The following ACAP2 variants were observed in gnomAD, a reference collection of about 807,000 sequenced individuals.
ACAP2 encodes the protein arf-GAP with coiled-coil, ANK repeat and PH domain-containing protein 2.
A neutral mutation model predicts 115.8 loss-of-function variants in ACAP2; 39 were observed. The ratio of observed to expected loss-of-function variants is 0.34; its 90% CI spans 0.26 to 0.44. ACAP2 has a LOEUF of 0.44. ACAP2 is among the 20% of genes least tolerant of loss of function. The pLI is 1.00. For synonymous variants in ACAP2, 289 were observed against 315.8 expected, an observed-to-expected ratio of 0.92 and a Z score of 0.90; for missense variants, 662 against 927.6, an observed-to-expected ratio of 0.71 and a Z score of 3.72.
chr3:195,331,283 T>G (rs1168274417), intron 8 of ACAP2, among the ~76,000 whole-genome samples: 2 of 151,892 alleles, frequency 1.3e-5, no homozygotes, highest in African/African-American at 2.4e-5. Flanking sequence ...CTCTGGTCAG[T>G]AAATGCAATT....
intron 14 of ACAP2, 54 bp from the exon 15 acceptor site, chr3:195,301,698 CG>C (rs1728069324): frequency 6.5e-7 from 1 of 1,527,054 alleles, no homozygotes; most frequent in African/African-American, 1.4e-5. Context: ...TGCGTATTTG[CG>C]CAAGTTCTGT....
intron 21 of ACAP2, 114 bp downstream of exon 21, chr3:195,289,007 G>T: frequency 2.9e-6 from 2 of 696,306 alleles, no homozygotes; most frequent in Non-Finnish European, 2.4e-6. Flanking sequence ...TAAGGGACAT[G>T]AGCATATGTG....
intron 22 of ACAP2, chr3:195,285,547 A>C (rs1266663123): frequency 2.5e-6 from 1 of 396,326 alleles, no homozygotes; most frequent in African/African-American, 2.1e-5. Flanking sequence ...GCCAGAGTGA[A>C]ATAGAGCAAG....
chr3:195,307,963 T>G (rs1728526163), intron 11 of ACAP2, among the ~76,000 whole-genome samples: 1 of 152,128 alleles, frequency 6.6e-6, no homozygotes, highest in South Asian at 2.1e-4. Context: ...CAGAATATCA[T>G]TCATAAAAAG....
chr3:195,279,904 AAAT>A (rs1274021433), intron 22 of ACAP2: 1 of 152,332 alleles, frequency 6.6e-6, no homozygotes, highest in Non-Finnish European at 1.5e-5. Context: ...AGATAGGGAA[AAAT>A]AATACTATCT....
Position 195,331,711 on chromosome 3 carries a change from G to C in ACAP2, c.669+1317C>G, listed in dbSNP as rs117616621. 2.9e-4 allele frequency among the ~76,000 whole-genome samples: 44 copies of C among 152,142 alleles called. No homozygotes were observed. In the East Asian group the frequency reaches 7.9e-3, roughly 27 times the overall value. On this transcript the variant is annotated intron_variant, in intron 8 of 22. Transcript: ENST00000326793. ...TAAAAATCGACAGTGTTAAAATAAAGAATGTTCGTCAATAAAAAACAATGT... is the reference window on the plus strand; with the variant it reads ...TAAAAATCGACAGTGTTAAAATAAACAATGTTCGTCAATAAAAAACAATGT...
chr3:195,355,562 A>G (rs2108681410), intron 4 of ACAP2, among the ~76,000 whole-genome samples: 1 of 152,326 alleles, frequency 6.6e-6, no homozygotes. Flanking sequence ...ATGTCAGTTG[A>G]CCAATCTGCT....
At chr3:195,296,420 C>A (rs1394738615) in intron 16 of ACAP2, among the ~76,000 whole-genome samples, 1 of 152,120 alleles carries the variant, frequency 6.6e-6, no homozygotes, top group Non-Finnish European at 1.5e-5. Context: ...CTGTTCTATA[C>A]TTTTTACTTA....
chr3:195,282,472 G>A (rs1271211727), intron 22 of ACAP2: 1 of 152,192 alleles, frequency 6.6e-6, no homozygotes, highest in Non-Finnish European at 1.5e-5. Context: ...ATCTCAAAAT[G>A]TGTTGTCAAA....
intron 1 of ACAP2, among the ~76,000 whole-genome samples, chr3:195,401,220 C>G (rs931557149): frequency 6.6e-6 from 1 of 152,196 alleles, no homozygotes; most frequent in African/African-American, 2.4e-5. Flanking sequence ...ATACCACAGG[C>G]TGCTCAACAA....
At chr3:195,330,343 A>G (rs1490256589) in intron 8 of ACAP2, among the ~76,000 whole-genome samples, 1 of 152,204 alleles carries the variant, frequency 6.6e-6, no homozygotes, top group Non-Finnish European at 1.5e-5. Flanking sequence ...CTTATCCACT[A>G]GGCACTATAG....
intron 1 of ACAP2, among the ~76,000 whole-genome samples, chr3:195,403,009 T>C (rs966340539): frequency 6.6e-6 from 1 of 152,048 alleles, no homozygotes; most frequent in Non-Finnish European, 1.5e-5. Flanking sequence ...TGGTATGCGA[T>C]AAGGTGGTAA....
intron 9 of ACAP2, among the ~76,000 whole-genome samples, chr3:195,321,890 G>A (rs1490004617): frequency 6.6e-6 from 1 of 152,152 alleles, no homozygotes; most frequent in Admixed American, 6.6e-5. Flanking sequence ...AGGAATTACA[G>A]GTGTGAGCCA....
At chr3:195,331,991 G>A (rs947639644) in intron 8 of ACAP2, among the ~76,000 whole-genome samples, 55 of 151,824 alleles carry the variant, frequency 3.6e-4, no homozygotes, top group African/African-American at 1.2e-3. Context: ...AAAATCAGCC[G>A]GGCATGGTGG....
chr3:195,411,976 C>G (rs2108812435), intron 1 of ACAP2, among the ~76,000 whole-genome samples: 1 of 150,698 alleles, frequency 6.6e-6, no homozygotes, highest in South Asian at 2.1e-4. Flanking sequence ...ATTATATCAT[C>G]ACTTACCACA....
In ACAP2 at chr3:195,295,899, G is replaced by T. The variant is rs371002137; in HGVS notation, c.1488-7C>A. The T allele has an allele frequency of 6.2e-7, 1 of 1,600,774 alleles. No homozygotes were observed. Among genetic ancestry groups the T allele is most frequent in the African/African-American group, 1.3e-5 (1 of 74,114 alleles). On this transcript the variant is annotated splice_region_variant and splice_polypyrimidine_tract_variant and intron_variant, in intron 16 of 22. Transcript: ENST00000326793. The stretch of plus-strand genomic sequence containing the variant: ...ATATGCCTCCTTCTCCTGTCTGACA[G>T]ACATAAAAATGTCATGATGTTTTGC...
intron 1 of ACAP2, chr3:195,412,704 AG>A (rs1219099494): frequency 3.7e-6 from 1 of 267,760 alleles, no homozygotes; most frequent in East Asian, 8.2e-5. Flanking sequence ...AGCTACAAGA[AG>A]TCTTTGTAAA....
intron 1 of ACAP2, among the ~76,000 whole-genome samples, chr3:195,421,514 CAA>C (rs1048411177): frequency 1.3e-5 from 2 of 152,136 alleles, no homozygotes; most frequent in East Asian, 1.9e-4. Context: ...GCGTTCAAAC[CAA>C]AAGAGATGCC....
intron 22 of ACAP2, among the ~76,000 whole-genome samples, chr3:195,281,306 A>G (rs544138086): frequency 6.6e-6 from 1 of 152,148 alleles, no homozygotes; most frequent in African/African-American, 2.4e-5. Flanking sequence ...TCGGGAGGCC[A>G]AGGCATGAGA....
Sources: gnomAD v4.1 joint callset for allele counts (sites outside exome capture counted in the v4.1 genomes callset) on GRCh38, gnomAD v4.1.1 for gene constraint, MANE v1.5 for transcripts, NCBI Gene and HGNC (gene_info 2026-07-23, HGNC 2026-07-21) for gene names.